DCDC1: variants seen among roughly 807,000 people sequenced by gnomAD.
The protein encoded by DCDC1 is doublecortin domain containing 1.
In DCDC1, 200 loss-of-function variants were observed where a neutral mutation model predicts 178.3. The ratio of observed to expected loss-of-function variants is 1.12; its 90% confidence interval spans 1.00 to 1.26. The LOEUF (loss-of-function observed/expected upper bound fraction) is 1.26. Ranked by LOEUF, DCDC1 falls within the 50% of genes most tolerant of loss-of-function variation. DCDC1 has a pLI of 0.00. For missense variants in DCDC1, 1,983 were observed against 1,749.2 expected, an observed-to-expected ratio of 1.13 and a Z score of -2.38; for synonymous variants, 690 against 604.8, an observed-to-expected ratio of 1.14 and a Z score of -2.07.
At chr11:31,366,848 A>G (rs1951986273) in intron 1 of DCDC1, among the ~76,000 whole-genome samples, 1 of 152,232 alleles carries the variant, frequency 6.6e-6, no homozygotes, top group African/African-American at 2.4e-5. Flanking sequence ...TACGTATGAG[A>G]AAACAGGAAC....
intron 9 of DCDC1, among the ~76,000 whole-genome samples, chr11:31,229,096 A>T (rs1975410525): frequency 1.3e-5 from 2 of 152,114 alleles, no homozygotes; most frequent in African/African-American, 2.4e-5. Context: ...TCTACTAAAA[A>T]AAATTTAATT....
chr11:31,082,255 C>T lies in DCDC1; in HGVS notation c.2238-4330G>A, dbSNP rs369350281. Among the ~76,000 whole-genome samples, 3 of 152,180 alleles carry T rather than the reference C, an allele frequency of 2.0e-5. No individual in the cohort carries two copies. The East Asian group carries it at 5.8e-4, about 29-fold the overall frequency. The stretch of plus-strand genomic sequence containing the variant: ...ATCTAACGTTAACTAGACATATGAC[C>T]TTTAGTAGATCACTTAGTCTCTAGT... On this transcript the variant is annotated intron_variant, in intron 17 of 38. Transcript: ENST00000684477.
chr11:31,134,091 G>T (rs1340211078), intron 10 of DCDC1, among the ~76,000 whole-genome samples: 4 of 152,288 alleles, frequency 2.6e-5, no homozygotes, highest in African/African-American at 9.6e-5. Context: ...TTCAGCCAGA[G>T]GTACCTTATG....
intron 23 of DCDC1, among the ~76,000 whole-genome samples, chr11:30,924,423 C>T (rs182488617): frequency 1.6e-4 from 25 of 152,042 alleles, no homozygotes; most frequent in Non-Finnish European, 3.5e-4. Context: ...GCTTTGTTCT[C>T]TGTTCAAAGA....
chr11:31,180,452 G>A (rs1968636809), intron 9 of DCDC1, among the ~76,000 whole-genome samples: 1 of 152,202 alleles, frequency 6.6e-6, no homozygotes, highest in South Asian at 2.1e-4. Flanking sequence ...AGCTCTCAGT[G>A]AGATCAATGC....
intron 20 of DCDC1, among the ~76,000 whole-genome samples, chr11:30,987,779 T>G (rs1480620934): frequency 3.3e-5 from 5 of 152,232 alleles, no homozygotes; most frequent in Admixed American, 3.3e-4. Context: ...TTGTAAACTT[T>G]CTTAAAACAT....
At chr11:31,004,575 C>T (rs577586537) in intron 20 of DCDC1, among the ~76,000 whole-genome samples, 4 of 148,980 alleles carry the variant, frequency 2.7e-5, no homozygotes, top group Middle Eastern at 3.5e-3. Flanking sequence ...CCCAGCTACT[C>T]GGGAGGCTGA....
intron 9 of DCDC1, among the ~76,000 whole-genome samples, chr11:31,145,505 T>G (rs568061196): frequency 6.6e-6 from 1 of 152,358 alleles, no homozygotes; most frequent in South Asian, 2.1e-4. Flanking sequence ...GTGGCCTATC[T>G]GGCTTATTTT....
intron 20 of DCDC1, among the ~76,000 whole-genome samples, chr11:30,997,367 G>A (rs953113099): frequency 6.6e-6 from 1 of 152,080 alleles, no homozygotes; most frequent in African/African-American, 2.4e-5. Flanking sequence ...CAGGATTTGG[G>A]GGAATCAAAA....
chr11:31,255,535 T>A (rs1944360749), intron 8 of DCDC1, among the ~76,000 whole-genome samples: 1 of 152,170 alleles, frequency 6.6e-6, no homozygotes, highest in African/African-American at 2.4e-5. Context: ...ATGTGTGAAG[T>A]AGTACTTCAT....
At chr11:31,162,558 A>G (rs1214814578) in intron 9 of DCDC1, among the ~76,000 whole-genome samples, 1 of 152,170 alleles carries the variant, frequency 6.6e-6, no homozygotes, top group African/African-American at 2.4e-5. Flanking sequence ...GGTCTAATAT[A>G]TCTCAAATAT....
intron 9 of DCDC1, among the ~76,000 whole-genome samples, chr11:31,223,828 C>T (rs747061189): frequency 4.0e-5 from 6 of 151,860 alleles, no homozygotes; most frequent in Non-Finnish European, 7.4e-5. Context: ...TAAATATGAA[C>T]GTATATGCTT....
chr11:31,281,603 C>T (rs896433574), intron 7 of DCDC1, among the ~76,000 whole-genome samples: 20 of 151,946 alleles, frequency 1.3e-4, no homozygotes, highest in African/African-American at 4.1e-4. Flanking sequence ...GTGTCCCCAC[C>T]CATATGTCAT....
In DCDC1 at chr11:30,960,602, C is replaced by G. The variant is rs115386328; in HGVS notation, c.2592-8034G>C. Among the ~76,000 whole-genome samples, 422 of 152,264 alleles carry G rather than the reference C, an allele frequency of 2.8e-3. 1 individual carries two copies. The highest frequency in any genetic ancestry group is 9.6e-3 in the African/African-American group (399 of 41,566). On this transcript the variant is annotated intron_variant, in intron 20 of 38. Coordinates refer to ENST00000684477, the MANE Select transcript of DCDC1 (RefSeq NM_001387274.1). ...CTAGCACTAGGTGGAGACAGTGATT[C>G]ATGCAATGCTTGCAGGCAGCCTTTT...
At chr11:31,309,841 T>A (rs1184531962) in intron 3 of DCDC1, among the ~76,000 whole-genome samples, 2 of 152,216 alleles carry the variant, frequency 1.3e-5, no homozygotes, top group Non-Finnish European at 2.9e-5. Flanking sequence ...TCTATTGCCT[T>A]CTGACTAAAT....
chr11:30,992,841 CTAAAA>C (rs1019435565), intron 20 of DCDC1, among the ~76,000 whole-genome samples: 38 of 151,994 alleles, frequency 2.5e-4, no homozygotes, highest in African/African-American at 9.2e-4. Flanking sequence ...ATTAAAAAAT[CTAAAA>C]TAAAAGTAGA....
chr11:30,888,125 A>G (rs1325796971), intron 36 of DCDC1, among the ~76,000 whole-genome samples: 4 of 137,994 alleles, frequency 2.9e-5, no homozygotes, highest in African/African-American at 1.1e-4. Flanking sequence ...AAAGAAAGAA[A>G]GAAAGAAAGA....
chr11:31,153,472 G>A (rs773889421), intron 9 of DCDC1, among the ~76,000 whole-genome samples: 5 of 152,090 alleles, frequency 3.3e-5, no homozygotes, highest in Non-Finnish European at 7.3e-5. Flanking sequence ...GTGGGATGTG[G>A]AGAATATAAG....
intron 18 of DCDC1, among the ~76,000 whole-genome samples, chr11:31,071,411 G>C (rs1956550982): frequency 6.6e-6 from 1 of 152,088 alleles, no homozygotes; most frequent in South Asian, 2.1e-4. Context: ...TGAAATTTCT[G>C]AGTCATAAGG....
Sources: gnomAD v4.1 joint callset for allele counts (sites outside exome capture counted in the v4.1 genomes callset) on GRCh38, gnomAD v4.1.1 for gene constraint, MANE v1.5 for transcripts, NCBI Gene and HGNC (gene_info 2026-07-23, HGNC 2026-07-21) for gene names.